Variants in TENM2 observed in about 807,000 individuals in gnomAD.
TENM2 encodes the protein teneurin-2.
Under a neutral mutation model 245.2 loss-of-function variants are expected in TENM2, and 52 were observed. That is an observed-to-expected ratio of 0.21 (90% CI 0.17 to 0.27). The LOEUF is 0.27. Among genes scored for constraint, TENM2 ranks in the 10% least tolerant of loss-of-function variants. The pLI is 1.00. For missense variants in TENM2, 3,046 were observed against 3,666.8 expected (o/e 0.83, Z 4.37); for synonymous variants, 1,363 against 1,438.9 (o/e 0.95, Z 1.19).
intron 1 of TENM2, among the ~76,000 whole-genome samples, chr5:167,356,522 A>G (rs1033879001): frequency 3.3e-5 from 5 of 152,234 alleles, no homozygotes; most frequent in Admixed American, 1.3e-4. Flanking sequence ...TGCAATGACT[A>G]AACAGTTATT....
In TENM2 at chr5:167,958,472, CTT is replaced by C. The variant is rs1780735629; in HGVS notation, c.947+5652_947+5653del. Among the ~76,000 whole-genome samples, 5 of 152,220 alleles carry C rather than the reference CTT, an allele frequency of 3.3e-5. No homozygotes were observed. The South Asian group carries it at 1.0e-3, about 32-fold the overall frequency. ...GTCTTTTAATTGGGGCATCTAGCCT[CTT>C]TACATTTAGGGTTAATATTGTTATG... is the stretch of plus-strand genomic sequence containing the variant. On this transcript the variant is annotated intron_variant, in intron 4 of 28. Coordinates refer to ENST00000518659, the Ensembl canonical transcript of TENM2.
In TENM2 at chr5:167,526,905, G is replaced by C. The variant is rs376767202; in HGVS notation, c.502+151432G>C. Among the ~76,000 whole-genome samples the C allele has an allele frequency of 9.9e-5, 15 of 152,098 alleles. No individual in the cohort carries two copies. In the East Asian group the frequency reaches 1.7e-3, roughly 18 times the overall value. ...ATTAAGGAGTCTTGCTGAAATATTC[G>C]TAGGTATATTTCTGAGGGCGTATGC... is the stretch of plus-strand genomic sequence containing the variant. On this transcript the variant is annotated intron_variant, in intron 2 of 28. Transcript: ENST00000518659.
intron 2 of TENM2, among the ~76,000 whole-genome samples, chr5:167,739,345 G>A (rs1761015920): frequency 6.6e-6 from 1 of 152,146 alleles, no homozygotes; most frequent in African/African-American, 2.4e-5. Context: ...ATTCCTTATG[G>A]CTTCTCTGTT....
At chr5:167,089,899 T>A in the TENM2 span, among the ~76,000 whole-genome samples, 1 of 152,192 alleles carries the variant, frequency 6.6e-6, no homozygotes, top group South Asian at 2.1e-4. Flanking sequence ...GGGGTATCAG[T>A]TCTAAGGACT....
intron 2 of TENM2, among the ~76,000 whole-genome samples, chr5:167,396,873 T>C (rs1762083320): frequency 6.6e-6 from 1 of 152,102 alleles, no homozygotes; most frequent in Non-Finnish European, 1.5e-5. Context: ...TAGGGAGAGA[T>C]GCATCTTGGG....
chr5:167,513,163 G>T (rs1169913641), intron 2 of TENM2, among the ~76,000 whole-genome samples: 1 of 152,102 alleles, frequency 6.6e-6, no homozygotes, highest in African/African-American at 2.4e-5. Flanking sequence ...TGGATAGAAA[G>T]CAAGGAATAA....
chr5:167,635,463 C>G (rs1467527485), intron 2 of TENM2, among the ~76,000 whole-genome samples: 1 of 151,902 alleles, frequency 6.6e-6, no homozygotes, highest in Non-Finnish European at 1.5e-5. Flanking sequence ...AAACTAAACT[C>G]AGAAAGGTAC....
At chr5:168,231,264 A>C (rs555466584) in intron 25 of TENM2, among the ~76,000 whole-genome samples, 1 of 152,220 alleles carries the variant, frequency 6.6e-6, no homozygotes, top group Admixed American at 6.5e-5. Context: ...CAGAGTGATC[A>C]GGTCTCCCGT....
Position 168,038,581 on chromosome 5 carries a change from C to T in TENM2, c.1187-8846C>T, listed in dbSNP as rs186271279. 8.5e-5 allele frequency among the ~76,000 whole-genome samples: 13 copies of T among 152,306 alleles called. 1 individual carries two copies. The highest frequency in any genetic ancestry group is 8.5e-4 in the Admixed American group (13 of 15,310). On this transcript the variant is annotated intron_variant, in intron 5 of 28. Transcript: ENST00000518659. ...AGAGGGCTTAGAACAGTGGTTGACA[C>T]TGAGTCAGTACGTTACAAAAATGTT...
intron 2 of TENM2, among the ~76,000 whole-genome samples, chr5:167,857,014 CAG>C (rs1175920161): frequency 1.3e-5 from 2 of 152,110 alleles, no homozygotes; most frequent in Non-Finnish European, 2.9e-5. Context: ...AAGATTAAAA[CAG>C]TGCAGATTCC....
chr5:168,191,669 C>T (rs1212745242), intron 14 of TENM2, among the ~76,000 whole-genome samples: 1 of 152,122 alleles, frequency 6.6e-6, no homozygotes, highest in East Asian at 1.9e-4. Flanking sequence ...CAGGTAGGCC[C>T]AGGAGCAACT....
At chr5:167,804,981 C>T (rs182389880) in intron 2 of TENM2, among the ~76,000 whole-genome samples, 162 of 152,262 alleles carry the variant, frequency 1.1e-3, no homozygotes, top group Non-Finnish European at 2.8e-4. Flanking sequence ...GAGGATGAGA[C>T]AGTGCATGGA....
At chr5:167,133,701 G>A in the TENM2 span, among the ~76,000 whole-genome samples, 2 of 149,700 alleles carry the variant, frequency 1.3e-5, no homozygotes, top group Admixed American at 6.7e-5. Flanking sequence ...CAGGGCCTTT[G>A]TTTCGTAGGC....
intron 2 of TENM2, among the ~76,000 whole-genome samples, chr5:167,874,176 A>G (rs760315999): frequency 6.6e-6 from 1 of 152,122 alleles, no homozygotes; most frequent in Non-Finnish European, 1.5e-5. Context: ...CCACAGCACC[A>G]CGTCATTACA....
At chr5:168,093,685 C>G (rs1365251987) in intron 8 of TENM2, among the ~76,000 whole-genome samples, 1 of 152,192 alleles carries the variant, frequency 6.6e-6, no homozygotes, top group East Asian at 1.9e-4. Context: ...ACGATGCCAG[C>G]CTCCACTTGG....
chr5:167,210,710 G>T, the TENM2 span, among the ~76,000 whole-genome samples: 2 of 151,882 alleles, frequency 1.3e-5, no homozygotes, highest in Middle Eastern at 3.4e-3. Flanking sequence ...TGATCCACCC[G>T]CCTCGGCCTC....
intron 2 of TENM2, among the ~76,000 whole-genome samples, chr5:167,436,826 T>C (rs1270147363): frequency 2.0e-5 from 3 of 152,206 alleles, no homozygotes; most frequent in Non-Finnish European, 4.4e-5. Context: ...CCTTGGCATC[T>C]TCCACGTGGT....
chr5:167,788,374 A>C (rs1188473775), intron 2 of TENM2, among the ~76,000 whole-genome samples: 1 of 152,208 alleles, frequency 6.6e-6, no homozygotes, highest in Non-Finnish European at 1.5e-5. Context: ...AATTCCTTAA[A>C]ACATGGGATG....
chr5:168,146,273 T>A (rs1756071418), intron 12 of TENM2, among the ~76,000 whole-genome samples: 1 of 152,126 alleles, frequency 6.6e-6, no homozygotes, highest in African/African-American at 2.4e-5. Context: ...AGCATATCTT[T>A]GGCATTAAGG....
Sources: allele counts gnomAD v4.1 joint callset (sites outside exome capture counted in the v4.1 genomes callset), GRCh38; gene constraint gnomAD v4.1.1; transcripts MANE v1.5; gene names NCBI Gene and HGNC (gene_info 2026-07-23, HGNC 2026-07-21).